Variants in ZBTB20 observed in about 807,000 individuals in gnomAD.
ZBTB20 encodes zinc finger and BTB domain-containing protein 20.
Under a neutral mutation model 56.9 loss-of-function variants are expected in ZBTB20, and 9 were observed. That is an observed-to-expected ratio of 0.16 (90% CI 0.10 to 0.28). The LOEUF is 0.28. Ranked by LOEUF, ZBTB20 falls within the 10% of genes least tolerant of loss-of-function variation. The pLI, the probability that ZBTB20 is intolerant of heterozygous loss-of-function variation, is 1.00. For synonymous variants in ZBTB20, 417 were observed against 420.7 expected, an observed-to-expected ratio of 0.99 and a Z score of 0.11; for missense variants, 655 against 1,003.0, an observed-to-expected ratio of 0.65 and a Z score of 4.69.
Position 115,123,740 on chromosome 3 carries a change from G to A in ZBTB20, c.-703+23479C>T, listed in dbSNP as rs535548814. Among the ~76,000 whole-genome samples, 13 of 152,238 alleles carry A rather than the reference G, an allele frequency of 8.5e-5. No homozygotes were observed. The South Asian group carries it at 1.9e-3, about 22-fold the overall frequency. ...AAGGCACTTGTACATATTTCTCAAC[G>A]GTTATGTACCTTATATTCTTTATTC... On this transcript the variant is annotated intron_variant, in intron 1 of 11. Coordinates refer to ENST00000675478, the MANE Select transcript of ZBTB20 (RefSeq NM_001348800.3).
intron 4 of ZBTB20, among the ~76,000 whole-genome samples, chr3:114,870,851 C>A (rs2075977681): frequency 6.6e-6 from 1 of 151,900 alleles, no homozygotes; most frequent in Admixed American, 6.6e-5. Flanking sequence ...CCCTTCTATC[C>A]CTTATGGGTA....
At chr3:115,034,057 T>A (rs1331522983) in intron 2 of ZBTB20, among the ~76,000 whole-genome samples, 1 of 151,720 alleles carries the variant, frequency 6.6e-6, no homozygotes, top group African/African-American at 2.4e-5. Context: ...CCTTTTATAA[T>A]AAAAATCCTC....
chr3:114,965,634 C>T (rs1372829832), intron 3 of ZBTB20, among the ~76,000 whole-genome samples: 2 of 152,124 alleles, frequency 1.3e-5, no homozygotes, highest in East Asian at 1.9e-4. Context: ...AGATGACTTA[C>T]ATTGCATCAT....
intron 5 of ZBTB20, among the ~76,000 whole-genome samples, chr3:114,791,134 A>C (rs1476558969): frequency 1.3e-5 from 2 of 152,196 alleles, no homozygotes; most frequent in Non-Finnish European, 2.9e-5. Flanking sequence ...TCATTAAGAT[A>C]GGAGAAAGTG....
At chr3:114,797,596 T>G (rs2071415773) in intron 5 of ZBTB20, among the ~76,000 whole-genome samples, 1 of 151,992 alleles carries the variant, frequency 6.6e-6, no homozygotes, top group African/African-American at 2.4e-5. Context: ...ATATGTGTTA[T>G]TTATCTGTGT....
At chr3:114,615,738 A>AT (rs1203259209) in intron 6 of ZBTB20, among the ~76,000 whole-genome samples, 1 of 152,322 alleles carries the variant, frequency 6.6e-6, no homozygotes, top group Admixed American at 6.5e-5. Context: ...CTCTGGAGTG[A>AT]TTGAGTATTT....
rs1049935681 is a variant in ZBTB20, at chr3:114,759,711, C to T, written c.-343+41390G>A. ...TAGCCTTAAAAAAAAAATCTCATAC[C>T]TCATCCTCAAATCAGTTTGCAACAA... On this transcript the variant is annotated intron_variant, in intron 5 of 11. Coordinates refer to ENST00000675478, the MANE Select transcript of ZBTB20 (RefSeq NM_001348800.3). Among the ~76,000 whole-genome samples, 6 of 152,160 alleles carry T rather than the reference C, an allele frequency of 3.9e-5. No individual in the cohort carries two copies. The Middle Eastern group carries it at 0.014, about 345-fold the overall frequency.
intron 6 of ZBTB20, among the ~76,000 whole-genome samples, chr3:114,657,721 C>T (rs549855142): frequency 3.4e-4 from 51 of 152,132 alleles, no homozygotes; most frequent in Non-Finnish European, 6.9e-4. Context: ...CTGTAACAAA[C>T]GTGAATTTTA....
Position 115,038,080 on chromosome 3 carries a change from T to C in ZBTB20, c.-507+33139A>G, listed in dbSNP as rs538930966. On this transcript the variant is annotated intron_variant, in intron 2 of 11. Coordinates refer to ENST00000675478, the MANE Select transcript of ZBTB20 (RefSeq NM_001348800.3). ...CCTACATTGTCACACATTAAAAAGT[T>C]ATAGTCACAGGTTTTTAAAGAAATA... Among the ~76,000 whole-genome samples the C allele has an allele frequency of 3.3e-5, 5 of 152,312 alleles. No individual in the cohort carries two copies. The South Asian group carries it at 1.0e-3, about 32-fold the overall frequency.
intron 10 of ZBTB20, among the ~76,000 whole-genome samples, chr3:114,371,690 C>A (rs114002521): frequency 0.016 from 2,503 of 152,258 alleles, 33 homozygotes; most frequent in African/African-American, 0.04. Flanking sequence ...TAGTAACAAG[C>A]AGCATAAATG....
chr3:114,691,866 A>G (rs2062718531), intron 6 of ZBTB20, among the ~76,000 whole-genome samples: 1 of 152,172 alleles, frequency 6.6e-6, no homozygotes, highest in Non-Finnish European at 1.5e-5. Flanking sequence ...ATGAGCATGT[A>G]TCATTTTAAA....
intron 6 of ZBTB20, chr3:114,529,538 T>C (rs2047602885): frequency 6.6e-6 from 1 of 152,240 alleles, no homozygotes; most frequent in Non-Finnish European, 1.5e-5. Flanking sequence ...GTAAGCTCCT[T>C]GAGGATAGTA....
chr3:114,393,071 C>T (rs930034256), intron 7 of ZBTB20, among the ~76,000 whole-genome samples: 4 of 152,240 alleles, frequency 2.6e-5, no homozygotes, highest in African/African-American at 9.6e-5. Flanking sequence ...ATTAATCAAA[C>T]TCTTTTTGGC....
At chr3:114,532,796 G>A (rs1391054911) in intron 6 of ZBTB20, among the ~76,000 whole-genome samples, 7 of 152,254 alleles carry the variant, frequency 4.6e-5, no homozygotes, top group African/African-American at 7.2e-5. Context: ...GGAAGGAACC[G>A]GTAGCATTGT....
At chr3:114,484,488 C>T (rs946859000) in intron 7 of ZBTB20, among the ~76,000 whole-genome samples, 2 of 152,162 alleles carry the variant, frequency 1.3e-5, no homozygotes, top group African/African-American at 4.8e-5. Flanking sequence ...TACTGCAATA[C>T]ACAAAGGGCT....
At chr3:114,529,143 T>C (rs1336152019) in intron 6 of ZBTB20, 1 of 152,234 alleles carries the variant, frequency 6.6e-6, no homozygotes, top group African/African-American at 2.4e-5. Context: ...TTCCCAGCCT[T>C]CTCTGCAGAT....
chr3:114,668,752 C>T (rs1268455113), intron 6 of ZBTB20, among the ~76,000 whole-genome samples: 1 of 151,904 alleles, frequency 6.6e-6, no homozygotes, highest in Non-Finnish European at 1.5e-5. Flanking sequence ...ATAGTAATAA[C>T]GAGACCAATA....
chr3:114,680,453 T>G (rs1461289612), intron 6 of ZBTB20, among the ~76,000 whole-genome samples: 1 of 152,214 alleles, frequency 6.6e-6, no homozygotes, highest in African/African-American at 2.4e-5. Context: ...GGCATTGACC[T>G]TGACTCTTGT....
At chr3:114,552,583 G>A (rs1300223597) in intron 6 of ZBTB20, among the ~76,000 whole-genome samples, 1 of 152,116 alleles carries the variant, frequency 6.6e-6, no homozygotes. Flanking sequence ...AGTCAAAAAA[G>A]CTTTTTCTCT....
Sources: gnomAD v4.1 joint callset for allele counts (sites outside exome capture counted in the v4.1 genomes callset) on GRCh38, gnomAD v4.1.1 for gene constraint, MANE v1.5 for transcripts, NCBI Gene and HGNC (gene_info 2026-07-23, HGNC 2026-07-21) for gene names.